The following HTR4 variants were observed in gnomAD, a reference collection of about 807,000 sequenced individuals.
HTR4 encodes the protein 5-hydroxytryptamine (serotonin) receptor 4, G protein-coupled.
Under a neutral mutation model 36.8 loss-of-function variants are expected in HTR4, and 16 were observed. The observed-to-expected ratio is 0.43, with a 90% confidence interval of 0.29 to 0.66. HTR4 has a LOEUF of 0.66. Ranked by LOEUF, HTR4 falls within the 30% of genes least tolerant of loss-of-function variation. The pLI is 0.13. For missense variants in HTR4, 438 were observed against 490.9 expected (o/e 0.89, Z 1.02); for synonymous variants, 189 against 185.1 (o/e 1.02, Z -0.17).
intron 2 of HTR4, among the ~76,000 whole-genome samples, chr5:148,555,788 T>A (rs1759921107): frequency 6.6e-6 from 1 of 152,204 alleles, no homozygotes; most frequent in Non-Finnish European, 1.5e-5. Context: ...TCTCTGCTCT[T>A]CATGAAAGAA....
At chr5:148,618,718 A>G (rs1304429515) in intron 2 of HTR4, among the ~76,000 whole-genome samples, 3 of 152,170 alleles carry the variant, frequency 2.0e-5, no homozygotes, top group Non-Finnish European at 4.4e-5. Context: ...GGGACCTCCT[A>G]TCAGGCTGCT....
chr5:148,652,920 G>A (rs1483884473), intron 1 of HTR4, among the ~76,000 whole-genome samples: 1 of 152,082 alleles, frequency 6.6e-6, no homozygotes, highest in Non-Finnish European at 1.5e-5. Flanking sequence ...TCCTAGGTGA[G>A]AGCTGCTCTT....
intron 2 of HTR4, among the ~76,000 whole-genome samples, chr5:148,620,296 G>A (rs1581556990): frequency 1.3e-5 from 2 of 152,364 alleles, no homozygotes; most frequent in African/African-American, 4.8e-5. Flanking sequence ...TGTTGAAAAG[G>A]AAGGTGAAGT....
At chr5:148,619,347 C>G (rs1214993770) in intron 2 of HTR4, among the ~76,000 whole-genome samples, 3 of 152,110 alleles carry the variant, frequency 2.0e-5, no homozygotes, top group Non-Finnish European at 4.4e-5. Context: ...AATGCCCTTA[C>G]AAACACTGCC....
At chr5:148,564,616 T>A (rs1203276016) in intron 2 of HTR4, among the ~76,000 whole-genome samples, 1 of 152,138 alleles carries the variant, frequency 6.6e-6, no homozygotes, top group Non-Finnish European at 1.5e-5. Context: ...TCTAAACCAC[T>A]CCCCCAGACA....
chr5:148,552,430 T>C (rs1330941849), intron 2 of HTR4, among the ~76,000 whole-genome samples: 1 of 152,210 alleles, frequency 6.6e-6, no homozygotes, highest in Non-Finnish European at 1.5e-5. Flanking sequence ...ATTCATTTGA[T>C]CTTAGGTCAT....
At chr5:148,651,042 A>T (rs975697790) in intron 1 of HTR4, among the ~76,000 whole-genome samples, 4 of 152,238 alleles carry the variant, frequency 2.6e-5, no homozygotes, top group Non-Finnish European at 5.9e-5. Context: ...GAACTTGGGC[A>T]CATTACTTTA....
chr5:148,503,064 C>G (rs1158733515), intron 6 of HTR4, among the ~76,000 whole-genome samples: 1 of 152,208 alleles, frequency 6.6e-6, no homozygotes, highest in Non-Finnish European at 1.5e-5. Context: ...TTGGAAAACA[C>G]TCTGCAGGAT....
chr5:148,508,867 A>G (rs1348767586), intron 6 of HTR4, among the ~76,000 whole-genome samples: 3 of 152,108 alleles, frequency 2.0e-5, no homozygotes, highest in Non-Finnish European at 2.9e-5. Flanking sequence ...ATATGAATAT[A>G]TTATCTCTAC....
chr5:148,610,261 C>T (rs6580559), intron 2 of HTR4, among the ~76,000 whole-genome samples: 12 of 151,898 alleles, frequency 7.9e-5, no homozygotes, highest in Admixed American at 2.0e-4. Flanking sequence ...ACAGAAGATG[C>T]GTGATTTCTG....
At chr5:148,621,852 G>C (rs528582710) in intron 2 of HTR4, among the ~76,000 whole-genome samples, 1 of 152,010 alleles carries the variant, frequency 6.6e-6, no homozygotes, top group Non-Finnish European at 1.5e-5. Context: ...AACTTGCCTT[G>C]GTGATCTGGT....
chr5:148,624,030 C>T (rs748794414), intron 2 of HTR4, among the ~76,000 whole-genome samples: 22 of 152,128 alleles, frequency 1.4e-4, no homozygotes, highest in Non-Finnish European at 2.5e-4. Flanking sequence ...GTATTGCTGA[C>T]TCAGTGACCT....
At chr5:148,483,871 G>A (rs1298191782) in intron 6 of HTR4, among the ~76,000 whole-genome samples, 12 of 151,916 alleles carry the variant, frequency 7.9e-5, no homozygotes, top group East Asian at 1.9e-4. Context: ...AACTTTGATC[G>A]TTTTTGATAC....
chr5:148,481,634 A>C lies in HTR4; in HGVS notation c.*1569T>G. 6.6e-7 allele frequency: 1 copy of C among 1,505,342 alleles called. No homozygotes were observed. The allele number at this position is 1,505,342 out of a possible 1,614,324, so 93.2% of individuals were successfully genotyped here. A position where few individuals can be genotyped will look rare whatever the true frequency, so the allele number is the denominator to read the frequency against. On this transcript the variant is annotated 3_prime_UTR_variant, in exon 7 of 7. Coordinates refer to ENST00000377888, the MANE Select transcript of HTR4 (RefSeq NM_000870.7). ...CTGTCGGTTTCAGTTCCAGAACTAAAGTAAACAACAATGGAAACAATAACT... is the reference window on the plus strand; with the variant it reads ...CTGTCGGTTTCAGTTCCAGAACTAACGTAAACAACAATGGAAACAATAACT...
chr5:148,523,259 G>T lies in HTR4; in HGVS notation c.441C>A (p.Val147=), dbSNP rs748010908. 5 of 1,613,374 alleles carry T rather than the reference G, an allele frequency of 3.1e-6. No individual in the cohort carries two copies. Among genetic ancestry groups the T allele is most frequent in the Non-Finnish European group, 4.2e-6 (5 of 1,179,716 alleles). The change falls in exon 5 of 7, where the codon GTC becomes GTA. Residue 147 remains valine, a synonymous_variant. Coordinates refer to ENST00000377888, the MANE Select transcript of HTR4 (RefSeq NM_000870.7). ...GGAGAAAAGAAATAAACGTGGGGAT[G>T]ACCCAGCAGCCTCCCAGCATTAATG... ...RIALMLGGCW[V]IPTFISFLPI...
intron 6 of HTR4, among the ~76,000 whole-genome samples, chr5:148,487,424 G>T (rs905873242): frequency 6.6e-6 from 1 of 152,064 alleles, no homozygotes; most frequent in Non-Finnish European, 1.5e-5. Flanking sequence ...AAAAGGAGGA[G>T]GAGGAGGAGG....
At chr5:148,640,410 GA>G (rs1272638000) in intron 1 of HTR4, among the ~76,000 whole-genome samples, 5 of 152,280 alleles carry the variant, frequency 3.3e-5, no homozygotes, top group Admixed American at 6.5e-5. Context: ...CTGGACCAGG[GA>G]AAGCCAGTCC....
Position 148,637,030 on chromosome 5 carries a change from T to C in HTR4, c.-16A>G. The C allele has an allele frequency of 1.2e-6, 2 of 1,610,786 alleles. No homozygotes were observed. The highest frequency in any genetic ancestry group is 1.7e-6 in the Non-Finnish European group (2 of 1,177,398). The stretch of plus-strand genomic sequence containing the variant: ...GTTTGTCCATTACAGGAAATAAGCA[T>C]GAGTGAGTTGGATTTCAATGCCCAC... On this transcript the variant is annotated 5_prime_UTR_variant, in exon 2 of 7. It removes an upstream start codon present in the reference 5' UTR. Coordinates refer to ENST00000377888, the MANE Select transcript of HTR4 (RefSeq NM_000870.7).
At chr5:148,529,431 C>T (rs1468737227) in intron 4 of HTR4, among the ~76,000 whole-genome samples, 3 of 152,126 alleles carry the variant, frequency 2.0e-5, no homozygotes, top group African/African-American at 4.8e-5. Context: ...CTCACAAGAT[C>T]TGATGGTTTT....
Sources: allele counts gnomAD v4.1 joint callset (sites outside exome capture counted in the v4.1 genomes callset), GRCh38; gene constraint gnomAD v4.1.1; transcripts MANE v1.5; gene names NCBI Gene and HGNC (gene_info 2026-07-23, HGNC 2026-07-21).